Variants in NTM observed in about 807,000 individuals in gnomAD.
NTM encodes the protein IgLON family member 2.
Under a neutral mutation model 42.1 loss-of-function variants are expected in NTM, and 13 were observed. That is an observed-to-expected ratio of 0.31 (90% CI 0.20 to 0.49). NTM has a LOEUF of 0.49. Ranked by LOEUF, NTM falls within the 20% of genes least tolerant of loss-of-function variation. NTM has a pLI of 0.99. For synonymous variants in NTM, 187 were observed against 179.2 expected (o/e 1.04, Z -0.35); for missense variants, 373 against 452.8 (o/e 0.82, Z 1.60).
chr11:131,599,277 G>GATGCCCTGTCTACCCAGTCTCCGGCAA (rs2060246622), intron 1 of NTM, among the ~76,000 whole-genome samples: 1 of 148,584 alleles, frequency 6.7e-6, no homozygotes, highest in African/African-American at 2.6e-5. Context: ...GTCTCCAGCA[G>GATGCCCTGTCTACCCAGTCTCCGGCAA]ATGCCCTGTC....
intron 1 of NTM, among the ~76,000 whole-genome samples, chr11:131,471,290 C>G (rs987184733): frequency 6.6e-6 from 1 of 152,222 alleles, no homozygotes; most frequent in African/African-American, 2.4e-5. Context: ...AGGAAGTTTT[C>G]CTTGGTTAAT....
chr11:132,153,364 C>A (rs943047472), intron 3 of NTM, among the ~76,000 whole-genome samples: 2 of 152,180 alleles, frequency 1.3e-5, no homozygotes, highest in South Asian at 4.1e-4. Context: ...CTGATTTATT[C>A]AAGCTGCACT....
chr11:131,635,214 C>T (rs1443060512), intron 1 of NTM, among the ~76,000 whole-genome samples: 1 of 152,176 alleles, frequency 6.6e-6, no homozygotes, highest in Non-Finnish European at 1.5e-5. Flanking sequence ...AAGAGTGACA[C>T]CTTCTCAAGA....
intron 1 of NTM, among the ~76,000 whole-genome samples, chr11:131,487,363 A>T (rs1954289217): frequency 6.6e-6 from 1 of 152,206 alleles, no homozygotes; most frequent in Admixed American, 6.5e-5. Context: ...GGATGCCCCA[A>T]ACATAACCCT....
chr11:131,795,980 G>C, intron 1 of NTM: 1 of 984,980 alleles, frequency 1.0e-6, no homozygotes, highest in Non-Finnish European at 1.2e-6. Context: ...AAGGGAAAAA[G>C]GTGTTTCAGA....
chr11:132,090,040 C>T (rs2060205414), intron 2 of NTM, among the ~76,000 whole-genome samples: 1 of 152,118 alleles, frequency 6.6e-6, no homozygotes, highest in Non-Finnish European at 1.5e-5. Flanking sequence ...TGTTTCATGT[C>T]ATCCTCACAA....
chr11:131,856,618 A>G (rs903539921), intron 1 of NTM, among the ~76,000 whole-genome samples: 1 of 152,232 alleles, frequency 6.6e-6, no homozygotes, highest in Non-Finnish European at 1.5e-5. Context: ...CTTACGATCT[A>G]GTTAATGGGA....
intron 2 of NTM, among the ~76,000 whole-genome samples, chr11:132,101,862 G>T (rs2061668739): frequency 6.6e-6 from 1 of 152,158 alleles, no homozygotes; most frequent in South Asian, 2.1e-4. Context: ...GGACAGGCAG[G>T]TTTTTGTAAA....
chr11:131,902,125 A>C (rs551701791), intron 1 of NTM, among the ~76,000 whole-genome samples: 2 of 152,260 alleles, frequency 1.3e-5, no homozygotes, highest in Admixed American at 6.5e-5. Flanking sequence ...ATTCACAAGC[A>C]TACAGAAATG....
At chr11:131,798,236 C>CT (rs1376524940) in intron 1 of NTM, among the ~76,000 whole-genome samples, 2 of 152,220 alleles carry the variant, frequency 1.3e-5, no homozygotes, top group African/African-American at 4.8e-5. Flanking sequence ...GGGCTGCCGT[C>CT]TGCAGGCTCC....
At chr11:132,057,752 A>G (rs1332448255) in intron 2 of NTM, among the ~76,000 whole-genome samples, 1 of 152,030 alleles carries the variant, frequency 6.6e-6, no homozygotes, top group East Asian at 1.9e-4. Flanking sequence ...GTGGGCCTAG[A>G]CTCCGCGTGT....
chr11:132,309,532 C>T (rs1014400051), intron 5 of NTM, among the ~76,000 whole-genome samples: 1 of 152,106 alleles, frequency 6.6e-6, no homozygotes, highest in African/African-American at 2.4e-5. Flanking sequence ...TGGCATCATC[C>T]TATGAAAGTT....
chr11:132,000,328 A>T (rs544884349), intron 2 of NTM, among the ~76,000 whole-genome samples: 1 of 152,266 alleles, frequency 6.6e-6, no homozygotes, highest in South Asian at 2.1e-4. Context: ...AAAGATTTCC[A>T]TATCATCAAC....
At chr11:131,398,946 A>C (rs953435563) in intron 1 of NTM, among the ~76,000 whole-genome samples, 1 of 152,238 alleles carries the variant, frequency 6.6e-6, no homozygotes, top group Admixed American at 6.5e-5. Flanking sequence ...CCAGTGGTTG[A>C]GAAAAAATTA....
rs190351901 is a variant in NTM at position 131,697,297 on chromosome 11, C to T, written c.83-214267C>T. Among the ~76,000 whole-genome samples the T allele has an allele frequency of 1.2e-4, 18 of 152,340 alleles. No individual in the cohort carries two copies. The East Asian group carries it at 2.7e-3, about 23-fold the overall frequency. On this transcript the variant is annotated intron_variant, in intron 1 of 8. Transcript: ENST00000683400. ...GCCTCTTGGAGACCACTGAGGGCTGCGGCCTGTGCCATAAGTGTGGGGCAA... is the reference window on the plus strand; with the variant it reads ...GCCTCTTGGAGACCACTGAGGGCTGTGGCCTGTGCCATAAGTGTGGGGCAA...
chr11:131,674,203 G>A (rs752153590), intron 1 of NTM, among the ~76,000 whole-genome samples: 20 of 152,194 alleles, frequency 1.3e-4, no homozygotes, highest in Non-Finnish European at 2.5e-4. Flanking sequence ...AGAAGCAGAC[G>A]TGCTGCACAA....
At chr11:132,260,454 A>G (rs2092778940) in intron 4 of NTM, among the ~76,000 whole-genome samples, 1 of 152,162 alleles carries the variant, frequency 6.6e-6, no homozygotes, top group East Asian at 1.9e-4. Flanking sequence ...ATTTGTTTTT[A>G]AGAAAGTTCT....
At chr11:131,387,284 C>T (rs1332027390) in intron 1 of NTM, among the ~76,000 whole-genome samples, 1 of 151,960 alleles carries the variant, frequency 6.6e-6, no homozygotes, top group Non-Finnish European at 1.5e-5. Context: ...CATCTGCTTC[C>T]CTTTCTTGGA....
At chr11:131,523,170 G>C (rs1391080524) in intron 1 of NTM, among the ~76,000 whole-genome samples, 1 of 152,228 alleles carries the variant, frequency 6.6e-6, no homozygotes, top group South Asian at 2.1e-4. Flanking sequence ...TGAGATCACA[G>C]ATAGTATCTC....
Sources: allele counts gnomAD v4.1 joint callset (sites outside exome capture counted in the v4.1 genomes callset), GRCh38; gene constraint gnomAD v4.1.1; transcripts MANE v1.5; gene names NCBI Gene and HGNC (gene_info 2026-07-23, HGNC 2026-07-21).